NAALADL2: variants seen among roughly 807,000 people sequenced by gnomAD.
NAALADL2 encodes N-acetylated alpha-linked acidic dipeptidase like 2.
NAALADL2 carries 76 observed loss-of-function variants against 87.2 expected under a neutral mutation model. The observed-to-expected ratio is 0.87, with a 90% confidence interval of 0.72 to 1.05. The LOEUF (loss-of-function observed/expected upper bound fraction) is 1.05, where lower values mean the gene tolerates loss of function less well. Among genes scored for constraint, NAALADL2 ranks in the 50% least tolerant of loss-of-function variants. The pLI is 0.00. For missense variants in NAALADL2, 1,089 were observed against 945.8 expected (o/e 1.15, Z -1.99); for synonymous variants, 354 against 331.0 (o/e 1.07, Z -0.75).
At chr3:175,018,940 C>T (rs906983519) in intron 1 of NAALADL2, among the ~76,000 whole-genome samples, 9 of 152,006 alleles carry the variant, frequency 5.9e-5, no homozygotes, top group Non-Finnish European at 1.2e-4. Context: ...GGTAAGTGTT[C>T]ATAGTGAAGC....
At chr3:174,967,862 C>T (rs1433308205) in intron 1 of NAALADL2, among the ~76,000 whole-genome samples, 1 of 152,180 alleles carries the variant, frequency 6.6e-6, no homozygotes, top group Non-Finnish European at 1.5e-5. Context: ...GTTTAAACCA[C>T]CAAGTCTTGG....
chr3:174,898,137 A>AAG (rs1731830059), intron 1 of NAALADL2, among the ~76,000 whole-genome samples: 1 of 131,990 alleles, frequency 7.6e-6, no homozygotes, highest in Non-Finnish European at 1.5e-5. Context: ...AAAAAAAAAA[A>AAG]AAAAAAGAAA....
intron 1 of NAALADL2, among the ~76,000 whole-genome samples, chr3:174,908,156 C>T (rs1029155260): frequency 4.0e-5 from 6 of 150,386 alleles, no homozygotes; most frequent in African/African-American, 1.5e-4. Flanking sequence ...TCTCTGGTTG[C>T]ACTTGGTGGT....
chr3:174,570,895 C>T (rs1384745693), intron 2 of NAALADL2, among the ~76,000 whole-genome samples: 1 of 152,170 alleles, frequency 6.6e-6, no homozygotes, highest in East Asian at 1.9e-4. Context: ...TTTAACTCAG[C>T]ATTTTCCTAA....
intron 1 of NAALADL2, chr3:174,864,000 T>A (rs1010125573): frequency 2.2e-6 from 1 of 452,218 alleles, no homozygotes; most frequent in Non-Finnish European, 4.4e-6. Flanking sequence ...ATTTCCAGAA[T>A]CTTTGCTGGA....
At chr3:175,337,872 T>C (rs1400220539) in intron 5 of NAALADL2, among the ~76,000 whole-genome samples, 3 of 152,206 alleles carry the variant, frequency 2.0e-5, no homozygotes, top group African/African-American at 7.2e-5. Flanking sequence ...TGTTCCTGAT[T>C]AGGTGTAAGT....
chr3:175,613,414 C>G (rs984229970), intron 10 of NAALADL2, among the ~76,000 whole-genome samples: 1 of 152,034 alleles, frequency 6.6e-6, no homozygotes, highest in African/African-American at 2.4e-5. Context: ...AATGGGCAAG[C>G]GAAGATTTTA....
At chr3:175,533,783 G>A (rs1204163538) in intron 9 of NAALADL2, among the ~76,000 whole-genome samples, 2 of 152,132 alleles carry the variant, frequency 1.3e-5, no homozygotes, top group African/African-American at 4.8e-5. Context: ...TTTCTGTACA[G>A]GAGGTAAGAC....
In NAALADL2 at chr3:175,593,289, C is replaced by T. The variant is rs142635027; in HGVS notation, c.1800+17102C>T. ...CCTTTTAACACAAGTATTTTCTTTA[C>T]CATTGTGATAACGTCTAAGCAGGTA... On this transcript the variant is annotated intron_variant, in intron 10 of 13. Coordinates refer to ENST00000454872, the MANE Select transcript of NAALADL2 (RefSeq NM_207015.3). Among the ~76,000 whole-genome samples the T allele has an allele frequency of 3.0e-3, 464 of 152,182 alleles. 5 individuals carry two copies. Among genetic ancestry groups the T allele is most frequent in the African/African-American group, 0.01 (435 of 41,510 alleles).
intron 5 of NAALADL2, among the ~76,000 whole-genome samples, chr3:175,345,103 A>G (rs1475137659): frequency 6.7e-6 from 1 of 150,080 alleles, no homozygotes. Context: ...TAGGCTAGTC[A>G]GTCATACATT....
At chr3:175,532,387 G>A (rs957160955) in intron 9 of NAALADL2, among the ~76,000 whole-genome samples, 3 of 152,170 alleles carry the variant, frequency 2.0e-5, no homozygotes, top group Non-Finnish European at 4.4e-5. Context: ...ATTGTCAGTA[G>A]TGTAGTGCAG....
chr3:175,031,059 ATAT>A (rs1401792504), intron 1 of NAALADL2, among the ~76,000 whole-genome samples: 1 of 152,086 alleles, frequency 6.6e-6, no homozygotes, highest in Non-Finnish European at 1.5e-5. Flanking sequence ...ATCATGCATG[ATAT>A]TATAAAACTG....
At chr3:175,047,878 T>C (rs1754879048) in intron 1 of NAALADL2, among the ~76,000 whole-genome samples, 1 of 152,210 alleles carries the variant, frequency 6.6e-6, no homozygotes, top group Non-Finnish European at 1.5e-5. Flanking sequence ...AACACATTTG[T>C]GTGTGACCTT....
At chr3:175,320,789 G>T (rs1377140936) in intron 4 of NAALADL2, among the ~76,000 whole-genome samples, 1 of 151,892 alleles carries the variant, frequency 6.6e-6, no homozygotes, top group Non-Finnish European at 1.5e-5. Context: ...AAACCAGGAA[G>T]AAGTTGAATC....
chr3:175,549,338 C>A lies in NAALADL2; in HGVS notation c.1654-26703C>A, dbSNP rs149172291. ...TGTTATTTTCCTTTAATGAACATTA[C>A]AATTTATTCATATTTCAGTTGTGCA... On this transcript the variant is annotated intron_variant, in intron 9 of 13. Coordinates refer to ENST00000454872, the MANE Select transcript of NAALADL2 (RefSeq NM_207015.3). Among the ~76,000 whole-genome samples the A allele has an allele frequency of 1.3e-4, 20 of 152,016 alleles. No individual in the cohort carries two copies. In the East Asian group the frequency reaches 3.9e-3, roughly 29 times the overall value.
intron 11 of NAALADL2, among the ~76,000 whole-genome samples, chr3:175,692,637 C>T (rs1737205945): frequency 6.6e-6 from 1 of 152,106 alleles, no homozygotes; most frequent in South Asian, 2.1e-4. Context: ...GAAAATAAGA[C>T]TTTGTGGAAT....
intron 1 of NAALADL2, among the ~76,000 whole-genome samples, chr3:175,088,682 A>G (rs767287615): frequency 9.2e-5 from 14 of 152,230 alleles, no homozygotes; most frequent in Non-Finnish European, 1.9e-4. Flanking sequence ...CCTTGTGTAG[A>G]TACAAGCTTC....
At chr3:174,945,564 A>G (rs1353486152) in intron 1 of NAALADL2, among the ~76,000 whole-genome samples, 2 of 152,200 alleles carry the variant, frequency 1.3e-5, no homozygotes, top group Non-Finnish European at 2.9e-5. Context: ...ATATTCTTTA[A>G]TAGAATTCTC....
chr3:174,441,971 CT>C (rs937951179), intron 1 of NAALADL2, among the ~76,000 whole-genome samples: 2 of 151,078 alleles, frequency 1.3e-5, no homozygotes, highest in African/African-American at 2.4e-5. Flanking sequence ...AAAAGATAGA[CT>C]TTTTTTTTAA....
Sources: allele counts gnomAD v4.1 joint callset (sites outside exome capture counted in the v4.1 genomes callset), GRCh38; gene constraint gnomAD v4.1.1; transcripts MANE v1.5; gene names NCBI Gene and HGNC (gene_info 2026-07-23, HGNC 2026-07-21).